Variants in SLC44A5 observed in about 807,000 individuals in gnomAD.
The protein encoded by SLC44A5 is solute carrier family 44 member 5, also known as choline transporter-like protein 5.
SLC44A5 carries 57 observed loss-of-function variants against 101.8 expected under a neutral mutation model. The observed-to-expected ratio is 0.56, with a 90% CI of 0.45 to 0.70. The LOEUF is 0.70. Among genes scored for constraint, SLC44A5 ranks in the 30% least tolerant of loss-of-function variants. The pLI is 0.00. For synonymous variants in SLC44A5, 281 were observed against 290.9 expected (o/e 0.97, Z 0.35); for missense variants, 737 against 853.1 (o/e 0.86, Z 1.70).
chr1:75,230,921 T>G (rs1647499542), intron 12 of SLC44A5, among the ~76,000 whole-genome samples: 1 of 152,180 alleles, frequency 6.6e-6, no homozygotes. Context: ...CAGCTACATG[T>G]TCTATATCTA....
At chr1:75,213,670 T>G in intron 22 of SLC44A5, 35 bp downstream of exon 22, 2 of 1,379,214 alleles carry the variant, frequency 1.5e-6, no homozygotes, top group East Asian at 2.3e-5. Flanking sequence ...ATTTTTATTA[T>G]AGCAGCCTGT....
chr1:75,372,955 T>C (rs879196175), intron 3 of SLC44A5, among the ~76,000 whole-genome samples: 1 of 152,136 alleles, frequency 6.6e-6, no homozygotes, highest in African/African-American at 2.4e-5. Flanking sequence ...ATACAAAAAA[T>C]TAAGGAATCA....
rs148360484 is a variant in SLC44A5, at chr1:75,420,249, C to G, written c.14-23628G>C. Among the ~76,000 whole-genome samples the G allele has an allele frequency of 1.2e-3, 189 of 152,124 alleles. 1 individual carries two copies. Among genetic ancestry groups the G allele is most frequent in the African/African-American group, 4.2e-3 (174 of 41,518 alleles). ...TAAATTTCTGTTGTTTATAAGCTAC[C>G]CAGTCTATGGTAGTTTGTTAACAGC... On this transcript the variant is annotated intron_variant, in intron 2 of 23. Coordinates refer to ENST00000370859, the MANE Select transcript of SLC44A5 (RefSeq NM_001130058.2).
intron 2 of SLC44A5, among the ~76,000 whole-genome samples, chr1:75,500,190 C>A (rs13373792): frequency 0.14 from 20,684 of 152,112 alleles, 1,542 homozygotes; most frequent in African/African-American, 0.16. Context: ...TAAACCATGG[C>A]AATTTTAAGG....
intron 5 of SLC44A5, among the ~76,000 whole-genome samples, chr1:75,285,251 A>G (rs936811479): frequency 1.3e-5 from 2 of 151,980 alleles, no homozygotes; most frequent in African/African-American, 4.8e-5. Context: ...GAATTTATCC[A>G]TCTCCTCTAG....
At chr1:75,598,993 C>A (rs1674813909) in intron 1 of SLC44A5, among the ~76,000 whole-genome samples, 1 of 152,052 alleles carries the variant, frequency 6.6e-6, no homozygotes, top group African/African-American at 2.4e-5. Context: ...TACATTTCCA[C>A]AGAAAACTCA....
chr1:75,210,930 T>C (rs1646840667), intron 23 of SLC44A5, among the ~76,000 whole-genome samples: 1 of 152,190 alleles, frequency 6.6e-6, no homozygotes, highest in African/African-American at 2.4e-5. Context: ...ATTTAAGGTG[T>C]GTAATGTTTT....
At chr1:75,468,605 G>C (rs544573238) in intron 2 of SLC44A5, among the ~76,000 whole-genome samples, 2 of 152,232 alleles carry the variant, frequency 1.3e-5, no homozygotes, top group African/African-American at 4.8e-5. Context: ...CTTATTTGTG[G>C]AAACTAAAAA....
chr1:75,645,262 G>A, the SLC44A5 span, among the ~76,000 whole-genome samples: 34 of 152,092 alleles, frequency 2.2e-4, no homozygotes, highest in East Asian at 3.9e-3. Flanking sequence ...AAGTGTTCCT[G>A]TTTCTCCACA....
intron 2 of SLC44A5, among the ~76,000 whole-genome samples, chr1:75,535,826 A>G (rs962511165): frequency 6.6e-6 from 1 of 152,094 alleles, no homozygotes; most frequent in Non-Finnish European, 1.5e-5. Flanking sequence ...AAGTACCCCA[A>G]CTCACTCAGC....
At chr1:75,317,858 TA>T (rs1409436494) in intron 4 of SLC44A5, among the ~76,000 whole-genome samples, 2 of 152,114 alleles carry the variant, frequency 1.3e-5, no homozygotes, top group Non-Finnish European at 2.9e-5. Flanking sequence ...TGGCCTTCTC[TA>T]AACCTAAGTA....
intron 2 of SLC44A5, among the ~76,000 whole-genome samples, chr1:75,504,391 T>G (rs935455349): frequency 9.2e-5 from 14 of 152,174 alleles, no homozygotes; most frequent in Non-Finnish European, 2.9e-5. Context: ...TACATGGATC[T>G]GTTTATTTTG....
the SLC44A5 span, among the ~76,000 whole-genome samples, chr1:75,691,344 G>A: frequency 6.6e-6 from 1 of 152,064 alleles, no homozygotes; most frequent in Non-Finnish European, 1.5e-5. Flanking sequence ...GGTCAAGGCT[G>A]GTAATATAAA....
intron 2 of SLC44A5, among the ~76,000 whole-genome samples, chr1:75,506,996 G>T (rs1669297988): frequency 7.6e-6 from 1 of 130,860 alleles, no homozygotes; most frequent in Non-Finnish European, 1.5e-5. Context: ...TGTAATCTCT[G>T]CCTCCCAGGC....
chr1:75,683,016 C>G, the SLC44A5 span, among the ~76,000 whole-genome samples: 1 of 152,074 alleles, frequency 6.6e-6, no homozygotes, highest in Non-Finnish European at 1.5e-5. Context: ...TGCTCACCAT[C>G]ACTGGCCATC....
the SLC44A5 span, among the ~76,000 whole-genome samples, chr1:75,693,523 T>C: frequency 6.6e-6 from 1 of 152,304 alleles, no homozygotes. Context: ...GAATGGGTAC[T>C]GAGTAAAAGA....
At chr1:75,486,009 A>G (rs1668131472) in intron 2 of SLC44A5, among the ~76,000 whole-genome samples, 1 of 152,200 alleles carries the variant, frequency 6.6e-6, no homozygotes, top group East Asian at 1.9e-4. Flanking sequence ...GGAGATTACA[A>G]TTCAACCTGA....
At chr1:75,702,115 A>C in the SLC44A5 span, among the ~76,000 whole-genome samples, 22 of 151,968 alleles carry the variant, frequency 1.4e-4, no homozygotes, top group African/African-American at 5.1e-4. Flanking sequence ...GCCATCCCCA[A>C]CAAGCTACCA....
At chr1:75,683,065 C>T in the SLC44A5 span, among the ~76,000 whole-genome samples, 1 of 152,088 alleles carries the variant, frequency 6.6e-6, no homozygotes, top group African/African-American at 2.4e-5. Flanking sequence ...GATACCATCT[C>T]ACACCAGTTA....
Sources: gnomAD v4.1 joint callset for allele counts (sites outside exome capture counted in the v4.1 genomes callset) on GRCh38, gnomAD v4.1.1 for gene constraint, MANE v1.5 for transcripts, NCBI Gene and HGNC (gene_info 2026-07-23, HGNC 2026-07-21) for gene names.